SCN4A: variants seen among roughly 807,000 people sequenced by gnomAD.
SCN4A encodes the protein sodium channel protein type 4 subunit alpha.
In SCN4A, 83 loss-of-function variants were observed where a neutral mutation model predicts 162.0. That is an observed-to-expected ratio of 0.51 (90% CI 0.43 to 0.61). SCN4A has a LOEUF of 0.61. SCN4A is among the 20% of genes least tolerant of loss of function. The pLI is 0.00. For missense variants in SCN4A, 2,196 were observed against 2,462.5 expected (o/e 0.89, Z 2.29); for synonymous variants, 944 against 985.1 (o/e 0.96, Z 0.78).
intron 10 of SCN4A, among the ~76,000 whole-genome samples, chr17:63,962,179 C>T (rs1435056799): frequency 3.3e-5 from 5 of 152,354 alleles, no homozygotes; most frequent in Non-Finnish European, 7.3e-5. Flanking sequence ...ATGCCCTAAT[C>T]TGTCTGGGTC....
In SCN4A at chr17:63,950,369, G is replaced by A. The variant is rs1231807019; in HGVS notation, c.2854-841C>T. ...GGGCATCCACTGAGTTGCTTGCCCCGATTGTGCACTCAACTCCCTAAATCT... is the reference window on the plus strand; with the variant it reads ...GGGCATCCACTGAGTTGCTTGCCCCAATTGTGCACTCAACTCCCTAAATCT... On this transcript the variant is annotated intron_variant, in intron 14 of 23. Coordinates refer to ENST00000435607, the MANE Select transcript of SCN4A (RefSeq NM_000334.4). This position sits in a 1 kb window ranked among gnomAD's most constrained non-coding sequence, Gnocchi z 4.6. Among the ~76,000 whole-genome samples, 3 of 152,248 alleles carry A rather than the reference G, an allele frequency of 2.0e-5. No homozygotes were observed. Among genetic ancestry groups the A allele is most frequent in the South Asian group, 2.1e-4 (1 of 4,818 alleles).
intron 18 of SCN4A, among the ~76,000 whole-genome samples, chr17:63,946,475 C>A (rs74818786): frequency 1.7e-5 from 2 of 116,254 alleles, no homozygotes; most frequent in Non-Finnish European, 3.3e-5. Context: ...CCCCCCCCCA[C>A]CCCGCCGCAA....
rs1908898529 is a variant in SCN4A, at chr17:63,951,306, T to G, written c.2853+118A>C. On this transcript the variant is annotated intron_variant, in intron 14 of 23. Transcript: ENST00000435607. This position sits in a 1 kb window ranked among gnomAD's most constrained non-coding sequence, Gnocchi z 4.5. ...TCACATAATGCTTGCAACAATGCCA[T>G]AGGGCACCACCCCCATTTTACAGCT... The G allele has an allele frequency of 4.3e-6, 3 of 701,620 alleles. No homozygotes were observed. Among genetic ancestry groups the G allele is most frequent in the Admixed American group, 5.8e-5 (2 of 34,322 alleles). 43.5% of individuals were successfully genotyped at this position (701,620 alleles called of 1,614,324 possible).
At position 63,946,943 on chromosome 17, in the gene SCN4A, C is replaced by T. The variant is rs8076075; in HGVS notation, c.3441+102G>A. 4,110 of 1,172,922 alleles carry T rather than the reference C, an allele frequency of 3.5e-3. 104 individuals carry two copies. In the African/African-American group the frequency reaches 0.054, roughly 15 times the overall value. The allele number at this position is 1,172,922 out of a possible 1,614,324, so 72.7% of individuals were successfully genotyped here. On this transcript the variant is annotated intron_variant, in intron 18 of 23. Transcript: ENST00000435607. ...GCCGTGGGTCCAAGCTCTCTGCTTC[C>T]CTCTGGTGGTGGTTGGAGTATAGAC...
chr17:63,966,404 C>T, intron 7 of SCN4A, 77 bp downstream of exon 7: 17 of 1,455,488 alleles, frequency 1.2e-5, no homozygotes, highest in Non-Finnish European at 1.5e-5. Flanking sequence ...CCATGCCCCC[C>T]AGGTCCTCAT....
Position 63,971,728 on chromosome 17 carries a change from A to G in SCN4A, c.605T>C (p.Met202Thr). The change falls in exon 4 of 24, where the codon ATG becomes ACG. Residue 202 changes from methionine to threonine, a missense_variant. Coordinates refer to ENST00000435607, the MANE Select transcript of SCN4A (RefSeq NM_000334.4). ...PWNWLDFSVI[M>T]MAYLTEFVDL... Reference sequence around the variant, plus strand: ...TCCTGGGGCCCCTGCTCACGCCATCATGATGACACTGAAGTCCAGCCAGTT... The same window carrying G: ...TCCTGGGGCCCCTGCTCACGCCATCGTGATGACACTGAAGTCCAGCCAGTT... 2 of 1,598,150 alleles carry G rather than the reference A, an allele frequency of 1.3e-6. 1 individual carries two copies. Among genetic ancestry groups the G allele is most frequent in the East Asian group, 4.5e-5 (2 of 44,222 alleles).
chr17:63,953,030 T>C (rs1465825995), intron 13 of SCN4A, among the ~76,000 whole-genome samples: 1 of 152,084 alleles, frequency 6.6e-6, no homozygotes. Flanking sequence ...AAAAAGGAGA[T>C]TATCCAAGTG....
intron 5 of SCN4A, among the ~76,000 whole-genome samples, 197 bp from the exon 6 acceptor site, chr17:63,968,552 CCACAGACG>C (rs1239134887): frequency 6.6e-6 from 1 of 152,200 alleles, no homozygotes; most frequent in African/African-American, 2.4e-5. Flanking sequence ...CCTCAAATGG[CCACAGACG>C]CTCAGCCACT....
intron 5 of SCN4A, among the ~76,000 whole-genome samples, chr17:63,970,485 A>G (rs1238276085): frequency 6.6e-6 from 1 of 152,092 alleles, no homozygotes; most frequent in East Asian, 1.9e-4. Flanking sequence ...TTCTTTTGAG[A>G]CAGAGTCTTG....
In SCN4A at chr17:63,964,533, C is replaced by G. The variant is rs766046044; in HGVS notation, c.1387G>C (p.Glu463Gln). ...QNEATLAEDK[E>Q]KEEEFQQMLE... is the part of the protein sequence containing the mutation. ...ATCTGCTGAAACTCCTCCTCTTTCT[C>G]CTTATCCTCGGCCAGGGTGGCCTCA... The change falls in exon 9 of 24, where the codon GAG becomes CAG. Residue 463 changes from glutamate to glutamine, a missense_variant. Coordinates refer to ENST00000435607, the MANE Select transcript of SCN4A (RefSeq NM_000334.4). 6 of 1,613,946 alleles carry G rather than the reference C, an allele frequency of 3.7e-6. No individual in the cohort carries two copies. The Admixed American group carries it at 5.0e-5, about 13-fold the overall frequency.
intron 11 of SCN4A, among the ~76,000 whole-genome samples, chr17:63,960,691 AGAG>A (rs1264420307): frequency 6.6e-6 from 1 of 151,970 alleles, no homozygotes; most frequent in Non-Finnish European, 1.5e-5. Context: ...AGGGCTGGAG[AGAG>A]GAGAAGCCTG....
chr17:63,952,229 C>T (rs982349407), intron 13 of SCN4A, among the ~76,000 whole-genome samples: 4 of 151,580 alleles, frequency 2.6e-5, no homozygotes, highest in Non-Finnish European at 5.9e-5. Flanking sequence ...AGGAGTCTCC[C>T]TCTGTTGCCT....
Position 63,941,877 on chromosome 17 carries a change from G to A in SCN4A, c.4405C>T (p.Arg1469Trp), listed in dbSNP as rs781577616. ...ATCATGAGGGCGAACAGCAGCGTCC[G>A]GATGCCCTTGGCCCCGCGGATCAGC... ...LRLIRGAKGI[R>W]TLLFALMMSL... Residue 1469 changes from arginine to tryptophan, a missense_variant, in exon 24 of 24, where the codon CGG becomes TGG. Physicochemically the swap from Arg to Trp is moderately radical, Grantham distance 101 (BLOSUM62 -3). Transcript: ENST00000435607. This position sits in a 1 kb window ranked among gnomAD's most constrained non-coding sequence, Gnocchi z 6.2. The A allele has an allele frequency of 5.6e-6, 9 of 1,613,866 alleles. No individual in the cohort carries two copies. Among genetic ancestry groups the A allele is most frequent in the South Asian group, 5.5e-5 (5 of 91,088 alleles).
chr17:63,947,008 ATCCC>A, intron 18 of SCN4A, 33 bp downstream of exon 18: 40 of 782,338 alleles, frequency 5.1e-5, no homozygotes, highest in Non-Finnish European at 6.4e-5. Flanking sequence ...CCGGTCCCCC[ATCCC>A]CAGCCCACCC....
intron 21 of SCN4A, 77 bp from the exon 22 acceptor site, chr17:63,943,927 G>T (rs998201486): frequency 8.9e-6 from 8 of 900,160 alleles, no homozygotes; most frequent in African/African-American, 8.2e-5. Flanking sequence ...CCTCAGTGGG[G>T]CACCTCACCT....
chr17:63,946,246 C>G (rs1413989360), intron 18 of SCN4A, among the ~76,000 whole-genome samples: 1 of 152,174 alleles, frequency 6.6e-6, no homozygotes. Context: ...GGGCACTGAC[C>G]AGCTGCATGG....
chr17:63,971,200 C>T lies in SCN4A; in HGVS notation c.665G>A (p.Arg222Gln), dbSNP rs865887222. Reference protein sequence around the residue: ...LGNISALRTFRVLRALKTITV... With the variant: ...LGNISALRTFQVLRALKTITV... ...GATGGTTTTGAGGGCCCGCAGCACC[C>T]GGAAGGTCCTCAGGGCTGAGATGTT... Residue 222 changes from arginine (R) to glutamine (Q), a missense_variant, in exon 5 of 24, where the codon CGG (arginine) becomes CAG (glutamine). By Grantham distance (43) the Arg-to-Gln change is conservative (BLOSUM62 1). Coordinates refer to ENST00000435607, the MANE Select transcript of SCN4A (RefSeq NM_000334.4). 2 of 1,561,194 alleles carry T rather than the reference C, an allele frequency of 1.3e-6. No individual in the cohort carries two copies. The highest frequency in any genetic ancestry group is 8.7e-7 in the Non-Finnish European group (1 of 1,151,810).
chr17:63,968,075 T>G lies in SCN4A; in HGVS notation c.984A>C (p.Ala328=). Residue 328 remains alanine, a synonymous_variant, in exon 6 of 24, where the codon GCA becomes GCC. Coordinates refer to ENST00000435607, the MANE Select transcript of SCN4A (RefSeq NM_000334.4). ...WYANDTWNSH[A]SWATNDTFDW... ...CAAAGGTATCGTTGGTGGCCCAGCT[T>G]GCATGGCTGTTCCACGTGTCGTTGG... The G allele has an allele frequency of 1.2e-6, 2 of 1,614,014 alleles. No homozygotes were observed. Among genetic ancestry groups the G allele is most frequent in the Non-Finnish European group, 1.7e-6 (2 of 1,179,896 alleles).
chr17:63,942,764 G>T, intron 23 of SCN4A, 62 bp downstream of exon 23: 1 of 1,535,968 alleles, frequency 6.5e-7, no homozygotes, highest in Non-Finnish European at 8.9e-7. Context: ...TCCGTGTGAG[G>T]ATGGGTCTTC....
Sources: allele counts gnomAD v4.1 joint callset (sites outside exome capture counted in the v4.1 genomes callset), GRCh38; gene constraint gnomAD v4.1.1; non-coding constraint Gnocchi (gnomAD v3.1); transcripts MANE v1.5; gene names NCBI Gene and HGNC (gene_info 2026-07-23, HGNC 2026-07-21).